Variants in MICAL2 observed in about 807,000 individuals in gnomAD.
MICAL2 encodes [F-actin]-monooxygenase MICAL2.
MICAL2 carries 77 observed loss-of-function variants against 127.3 expected under a neutral mutation model. The ratio of observed to expected loss-of-function variants is 0.60; its 90% CI spans 0.50 to 0.73. MICAL2 has a LOEUF of 0.73. MICAL2 is among the 30% of genes least tolerant of loss of function. The pLI, the probability that MICAL2 is intolerant of heterozygous loss-of-function variation, is 0.00. For synonymous variants in MICAL2, 570 were observed against 551.1 expected (o/e 1.03, Z -0.48); for missense variants, 1,351 against 1,434.4 (o/e 0.94, Z 0.94).
exon 35 of MICAL2, chr11:12,358,478 G>C: frequency 6.2e-7 from 1 of 1,613,760 alleles, no homozygotes; most frequent in East Asian, 2.2e-5. Flanking sequence ...AGCAGGACTT[G>C]AGGAGGCCCG....
intron 1 of MICAL2, among the ~76,000 whole-genome samples, chr11:12,122,974 C>T (rs540762775): frequency 6.6e-6 from 1 of 152,254 alleles, no homozygotes; most frequent in Admixed American, 6.5e-5. Flanking sequence ...CATTTGGTCC[C>T]AGTTCTTCCC....
intron 1 of MICAL2, among the ~76,000 whole-genome samples, chr11:12,131,991 A>G (rs1851456939): frequency 6.6e-6 from 1 of 152,130 alleles, no homozygotes. Context: ...TAGCTTTATA[A>G]GGTAGACGTC....
intron 26 of MICAL2, chr11:12,261,816 G>T (rs1863154741): frequency 2.0e-6 from 2 of 985,658 alleles, no homozygotes; most frequent in African/African-American, 1.7e-5. Flanking sequence ...CCGATGACTT[G>T]CATTGTGTTT....
chr11:12,141,521 G>A (rs563543206), intron 2 of MICAL2, among the ~76,000 whole-genome samples: 11 of 152,284 alleles, frequency 7.2e-5, no homozygotes, highest in African/African-American at 2.4e-4. Context: ...GCCACCCTGA[G>A]TTATGCCAGA....
Position 12,219,189 on chromosome 11 carries a change from T to C in MICAL2, c.949-1012T>C, listed in dbSNP as rs1856525890. On this transcript the variant is annotated intron_variant, in intron 8 of 27. Transcript: ENST00000683283. ...CACACTGGTCCCCTCCCACTCCAGG[T>C]GTCTGTACTTTTTGTGTCACCTTTG... Among the ~76,000 whole-genome samples, 3 of 152,252 alleles carry C rather than the reference T, an allele frequency of 2.0e-5. No individual in the cohort carries two copies. The South Asian group carries it at 6.2e-4, about 32-fold the overall frequency.
chr11:12,294,397 C>T (rs780347515), downstream of MICAL2: 90 of 1,614,074 alleles, frequency 5.6e-5, no homozygotes, highest in Non-Finnish European at 6.8e-5. Flanking sequence ...CCAATAAAGA[C>T]GGGGACCAGC....
At chr11:12,111,694 C>A (rs984082025) in intron 1 of MICAL2, among the ~76,000 whole-genome samples, 3 of 152,238 alleles carry the variant, frequency 2.0e-5, no homozygotes, top group Non-Finnish European at 2.9e-5. Flanking sequence ...GTGATTGTCG[C>A]CTGTTAACTA....
intron 3 of MICAL2, among the ~76,000 whole-genome samples, chr11:12,193,094 C>G (rs999774425): frequency 5.3e-5 from 8 of 152,192 alleles, no homozygotes; most frequent in African/African-American, 1.7e-4. Context: ...GATGTTCATT[C>G]AAGGGCTGGT....
intron 2 of MICAL2, among the ~76,000 whole-genome samples, chr11:12,148,422 C>T: frequency 6.6e-6 from 1 of 152,214 alleles, no homozygotes; most frequent in African/African-American, 2.4e-5. Context: ...TGGATTTGTA[C>T]AAGGGCTGTA....
At chr11:12,202,453 C>T (rs999094027) in intron 3 of MICAL2, among the ~76,000 whole-genome samples, 1 of 152,160 alleles carries the variant, frequency 6.6e-6, no homozygotes, top group Non-Finnish European at 1.5e-5. Context: ...CATAATAGTT[C>T]CTTAGATTTG....
rs76023219 is a variant in MICAL2 at position 12,229,326 on chromosome 11, C to G, written c.1995+2195C>G. Among the ~76,000 whole-genome samples the G allele has an allele frequency of 6.1e-3, 935 of 152,332 alleles. 5 individuals are homozygous for G. The highest frequency in any genetic ancestry group is 0.021 in the African/African-American group (893 of 41,568). Reference sequence around the variant, plus strand: ...ACAGAGCAGTTAAAATGATGAGCTGCACCCAGCCTCTCTCCCACTCTGAGC... The same window carrying G: ...ACAGAGCAGTTAAAATGATGAGCTGGACCCAGCCTCTCTCCCACTCTGAGC... On this transcript the variant is annotated intron_variant, in intron 15 of 27. Coordinates refer to ENST00000683283, the MANE Select transcript of MICAL2 (RefSeq NM_001282663.2).
At chr11:12,338,109 A>G (rs796532643) in intron 32 of MICAL2, among the ~76,000 whole-genome samples, 8 of 152,244 alleles carry the variant, frequency 5.3e-5, no homozygotes, top group African/African-American at 1.7e-4. Context: ...GTAGGTCACT[A>G]AGGACTTGCT....
chr11:12,320,029 A>AG (rs1015588850), intron 30 of MICAL2, among the ~76,000 whole-genome samples: 2 of 152,008 alleles, frequency 1.3e-5, no homozygotes, highest in Admixed American at 6.6e-5. Flanking sequence ...CAAATTTGGG[A>AG]GAAAAAAAAA....
At chr11:12,304,589 C>T (rs138432807) in intron 29 of MICAL2, among the ~76,000 whole-genome samples, 1 of 151,116 alleles carries the variant, frequency 6.6e-6, no homozygotes, top group African/African-American at 2.4e-5. Context: ...GAGCTGAGAT[C>T]GTGCCATTGC....
chr11:12,172,272 G>A (rs186267207), intron 3 of MICAL2, among the ~76,000 whole-genome samples: 1 of 152,178 alleles, frequency 6.6e-6, no homozygotes, highest in Admixed American at 6.5e-5. Context: ...ATATGTTCTC[G>A]GCTGATTCCC....
intron 22 of MICAL2, 137 bp downstream of exon 22, chr11:12,249,383 A>G (rs1861230792): frequency 1.6e-6 from 1 of 620,344 alleles, no homozygotes; most frequent in South Asian, 2.0e-5. Context: ...GAAGGTGGGC[A>G]GACATGTGCT....
chr11:12,355,008 C>A, intron 34 of MICAL2: 1 of 667,252 alleles, frequency 1.5e-6, no homozygotes, highest in Non-Finnish European at 2.6e-6. Context: ...ACCAGCAGCA[C>A]CACAAGCCCC....
intron 16 of MICAL2, 103 bp from the exon 17 acceptor site, chr11:12,239,333 C>A (rs1054208916): frequency 9.4e-6 from 14 of 1,488,310 alleles, no homozygotes; most frequent in Non-Finnish European, 1.3e-5. Context: ...ATGGAGGGAG[C>A]CCTTCTGCGG....
intron 3 of MICAL2, among the ~76,000 whole-genome samples, chr11:12,163,237 G>T (rs779552163): frequency 1.3e-5 from 2 of 152,222 alleles, no homozygotes; most frequent in African/African-American, 4.8e-5. Flanking sequence ...CAGATGGGCA[G>T]GTGGGAGTCC....
Sources: gnomAD v4.1 joint callset for allele counts (sites outside exome capture counted in the v4.1 genomes callset) on GRCh38, gnomAD v4.1.1 for gene constraint, MANE v1.5 for transcripts, NCBI Gene and HGNC (gene_info 2026-07-23, HGNC 2026-07-21) for gene names.